Variants in RNF6 observed in about 807,000 individuals in gnomAD.
RNF6 encodes the protein E3 ubiquitin-protein ligase RNF6.
A neutral mutation model predicts 50.1 loss-of-function variants in RNF6; 21 were observed. That is an observed-to-expected ratio of 0.42 (90% CI 0.30 to 0.60). The LOEUF is 0.60. Among genes scored for constraint, RNF6 ranks in the 20% least tolerant of loss-of-function variants. RNF6 has a pLI of 0.20. For missense variants in RNF6, 698 were observed against 838.2 expected (o/e 0.83, Z 2.07); for synonymous variants, 255 against 291.8 (o/e 0.87, Z 1.29).
chr13:26,156,451 A>C (rs1871930472), intron 5 of RNF6, among the ~76,000 whole-genome samples: 1 of 152,216 alleles, frequency 6.6e-6, no homozygotes, highest in Non-Finnish European at 1.5e-5. Context: ...TCTTTGCCCA[A>C]ATAAAAGGAT....
intron 5 of RNF6, among the ~76,000 whole-genome samples, chr13:26,203,565 C>T (rs140554839): frequency 5.0e-4 from 76 of 152,326 alleles, no homozygotes; most frequent in Middle Eastern, 3.4e-3. Context: ...GGCCATGCTT[C>T]CCCCAGGCAG....
chr13:26,219,981 T>C (rs1178369791), intron 2 of RNF6, among the ~76,000 whole-genome samples: 1 of 152,222 alleles, frequency 6.6e-6, no homozygotes, highest in Non-Finnish European at 1.5e-5. Flanking sequence ...GAAAAGTTGA[T>C]CCAGAAGTCC....
At chr13:26,158,618 A>C (rs561183774) in intron 5 of RNF6, among the ~76,000 whole-genome samples, 16 of 152,180 alleles carry the variant, frequency 1.1e-4, no homozygotes, top group Non-Finnish European at 1.9e-4. Flanking sequence ...ATTGATTTGC[A>C]TGACATTGCT....
At chr13:26,178,992 T>A (rs1038106699) in intron 5 of RNF6, among the ~76,000 whole-genome samples, 2 of 152,206 alleles carry the variant, frequency 1.3e-5, no homozygotes, top group Admixed American at 1.3e-4. Flanking sequence ...TAAATAATAT[T>A]TCATTGTATA....
intron 5 of RNF6, among the ~76,000 whole-genome samples, chr13:26,186,097 CGG>C (rs1873508096): frequency 6.6e-6 from 1 of 152,158 alleles, no homozygotes; most frequent in South Asian, 2.1e-4. Flanking sequence ...ACGATTTACT[CGG>C]GAGTAAGAAT....
chr13:26,214,989 A>C lies in RNF6; in HGVS notation c.893T>G (p.Leu298Ter), dbSNP rs1325441653. The change falls in exon 5 of 5, where the codon TTA (leucine) becomes TGA (stop). Residue 298 changes from leucine to a stop codon, truncating the protein, a stop_gained. Coordinates refer to ENST00000381588, the MANE Select transcript of RNF6 (RefSeq NM_005977.4). LOFTEE classifies it high-confidence loss of function. ...NVTVRNTNQR[L>*]EPIRLRSTSN... is the part of the protein sequence containing the mutation. ...AGTAGATCGTAATCTTATTGGCTCTAATCTTTGGTTTGTATTCCTCACTGT... is the reference window on the plus strand; with the variant it reads ...AGTAGATCGTAATCTTATTGGCTCTCATCTTTGGTTTGTATTCCTCACTGT... 1.2e-6 allele frequency: 2 copies of C among 1,614,004 alleles called. No individual in the cohort carries two copies. Among genetic ancestry groups the C allele is most frequent in the African/African-American group, 1.3e-5 (1 of 74,898 alleles).
chr13:26,132,601 T>A (rs1404282120), intron 5 of RNF6: 3 of 282,960 alleles, frequency 1.1e-5, no homozygotes, highest in African/African-American at 2.2e-5. Context: ...CACATCACAC[T>A]TTAATATAAA....
intron 5 of RNF6, among the ~76,000 whole-genome samples, chr13:26,168,763 G>A (rs986621500): frequency 6.6e-6 from 1 of 152,252 alleles, no homozygotes; most frequent in African/African-American, 2.4e-5. Flanking sequence ...AATAATCCTA[G>A]CACTTTAGGA....
Position 26,215,535 on chromosome 13 carries a change from GTGTTCAACCAT to G in RNF6, c.336_346del (p.Glu112AspfsTer35). ...AGTTGCATTTCCTGTGCGCCGAAAG[GTGTTCAACCAT>G]TCTAGAAGAGAATCTTCATGTGAAC... On this transcript the variant is annotated frameshift_variant, in exon 5 of 5. Coordinates refer to ENST00000381588, the MANE Select transcript of RNF6 (RefSeq NM_005977.4). LOFTEE classifies it low-confidence loss of function (END_TRUNC). 6.2e-7 allele frequency: 1 copy of G among 1,612,644 alleles called. No homozygotes were observed. The highest frequency in any genetic ancestry group is 8.5e-7 in the Non-Finnish European group (1 of 1,180,026).
At chr13:26,205,263 TA>T (rs1187409317) in intron 5 of RNF6, among the ~76,000 whole-genome samples, 5 of 151,676 alleles carry the variant, frequency 3.3e-5, no homozygotes, top group Non-Finnish European at 2.9e-5. Flanking sequence ...AAAGTCTTTG[TA>T]GTTAATAAAG....
Position 26,160,528 on chromosome 13 carries a change from TTCTTC to T in RNF6, n.769-28082_769-28078del, listed in dbSNP as rs144505883. ...CTTATGCCACTGCATCCAGCCTATC[TTCTTC>T]TCTTCTTCTTCTTTTTTTTTTTTTT... is the stretch of plus-strand genomic sequence containing the variant. On this transcript the variant is annotated intron_variant and non_coding_transcript_variant, in intron 5 of 5. Coordinates refer to the RNF6 transcript ENST00000468480. Among the ~76,000 whole-genome samples the T allele has an allele frequency of 1.3e-3, 115 of 88,560 alleles. 2 individuals are homozygous for T. The highest frequency in any genetic ancestry group is 7.5e-3 in the Middle Eastern group (1 of 134). 58.1% of individuals were successfully genotyped at this position (88,560 alleles called of 152,430 possible). A position where few individuals can be genotyped will look rare whatever the true frequency, so the allele number is the denominator to read the frequency against.
chr13:26,188,099 A>G (rs1873643177), intron 5 of RNF6, among the ~76,000 whole-genome samples: 1 of 152,174 alleles, frequency 6.6e-6, no homozygotes, highest in Non-Finnish European at 1.5e-5. Context: ...AGAGAGTGTA[A>G]CTGCTCATTT....
intron 5 of RNF6, among the ~76,000 whole-genome samples, chr13:26,188,289 A>G (rs1873649445): frequency 6.6e-6 from 1 of 152,186 alleles, no homozygotes; most frequent in African/African-American, 2.4e-5. Context: ...AGGCAATTAT[A>G]ACAATATCCC....
intron 5 of RNF6, among the ~76,000 whole-genome samples, chr13:26,133,800 T>A (rs1870511792): frequency 6.6e-6 from 1 of 152,230 alleles, no homozygotes; most frequent in Admixed American, 6.5e-5. Context: ...TGCTTTAAAA[T>A]CTCTCGGATA....
At chr13:26,187,002 C>T (rs911248098) in intron 5 of RNF6, among the ~76,000 whole-genome samples, 3 of 152,124 alleles carry the variant, frequency 2.0e-5, no homozygotes, top group African/African-American at 7.2e-5. Context: ...TGGTCTCGAT[C>T]TCCTGACTTC....
intron 5 of RNF6, among the ~76,000 whole-genome samples, chr13:26,160,393 AT>A (rs1027157680): frequency 1.3e-5 from 2 of 151,590 alleles, no homozygotes; most frequent in Non-Finnish European, 2.9e-5. Flanking sequence ...TCTACTACCT[AT>A]TTTTTTTATT....
chr13:26,136,703 T>A (rs1429989142), intron 5 of RNF6, among the ~76,000 whole-genome samples: 1 of 152,120 alleles, frequency 6.6e-6, no homozygotes, highest in Non-Finnish European at 1.5e-5. Flanking sequence ...ATTTAACTGG[T>A]TGAGACATAT....
Position 26,163,740 on chromosome 13 carries a change from G to A in RNF6, n.769-31289C>T, listed in dbSNP as rs538365823. ...TCCCTGATTGTACCTAAAATTTATT[G>A]TTATACTTAAGAATCTACTAATATC... On this transcript the variant is annotated intron_variant and non_coding_transcript_variant, in intron 5 of 5. Coordinates refer to the RNF6 transcript ENST00000468480. 5.3e-5 allele frequency among the ~76,000 whole-genome samples: 8 copies of A among 152,178 alleles called. No homozygotes were observed. In the South Asian group the frequency reaches 1.7e-3, roughly 32 times the overall value.
intron 5 of RNF6, among the ~76,000 whole-genome samples, chr13:26,163,447 A>T (rs963529948): frequency 1.3e-5 from 2 of 152,240 alleles, no homozygotes; most frequent in African/African-American, 4.8e-5. Context: ...AGAATAAATT[A>T]GATGGATAAT....
Sources: allele counts gnomAD v4.1 joint callset (sites outside exome capture counted in the v4.1 genomes callset), GRCh38; gene constraint gnomAD v4.1.1; transcripts MANE v1.5; gene names NCBI Gene and HGNC (gene_info 2026-07-23, HGNC 2026-07-21).